PIGS: variants seen among roughly 807,000 people sequenced by gnomAD.
The protein encoded by PIGS is GPI-anchor transamidase component PIGS.
Under a neutral mutation model 58.2 loss-of-function variants are expected in PIGS, and 37 were observed. The ratio of observed to expected loss-of-function variants is 0.64; its 90% CI spans 0.49 to 0.84. The LOEUF is 0.84. Among genes scored for constraint, PIGS ranks in the 40% least tolerant of loss-of-function variants. The probability of loss-of-function intolerance (pLI) is 0.00; values close to 1 mark genes in which losing one functional copy is unlikely to be tolerated. For synonymous variants in PIGS, 269 were observed against 289.2 expected, an observed-to-expected ratio of 0.93 and a Z score of 0.71; for missense variants, 629 against 710.8, an observed-to-expected ratio of 0.88 and a Z score of 1.31.
At chr17:28,557,303 C>T (rs1051171301) in intron 8 of PIGS, 1 of 272,876 alleles carries the variant, frequency 3.7e-6, no homozygotes, top group Admixed American at 5.7e-5. Flanking sequence ...AGAAATCTGA[C>T]CTTATGTCAG....
chr17:28,571,239 G>T (rs1404680650), intron 1 of PIGS, 51 bp from the exon 2 acceptor site: 3 of 1,584,200 alleles, frequency 1.9e-6, no homozygotes, highest in South Asian at 1.1e-5. Flanking sequence ...TAGGGTACCG[G>T]CCCCATCCCC....
At position 28,554,217 on chromosome 17, in the gene PIGS, T is replaced by C; in HGVS notation, c.*3A>G. 1.2e-6 allele frequency: 2 copies of C among 1,613,888 alleles called. No individual in the cohort carries two copies. The highest frequency in any genetic ancestry group is 1.7e-6 in the Non-Finnish European group (2 of 1,179,962). On this transcript the variant is annotated 3_prime_UTR_variant, in exon 12 of 12. Transcript: ENST00000308360. ...AAGGCTTCCTATGGAGGTGCTGCCC[T>C]GCTCAGTCTGTCTTCTCAGGCTTTC...
chr17:28,556,451 C>A, intron 9 of PIGS, 185 bp from the exon 10 acceptor site: 1 of 706,132 alleles, frequency 1.4e-6, no homozygotes, highest in Non-Finnish European at 2.6e-6. Flanking sequence ...CAATTACCCC[C>A]TTGAAAGTCC....
chr17:28,566,280 T>G (rs572374173), intron 3 of PIGS, among the ~76,000 whole-genome samples: 14 of 148,558 alleles, frequency 9.4e-5, no homozygotes, highest in Non-Finnish European at 1.5e-4. Context: ...TCTTTTTTTT[T>G]TTTTTTTTGT....
rs992219555 is a variant in PIGS, at chr17:28,553,988, T to C, written c.*232A>G. 7 of 567,004 alleles carry C rather than the reference T, an allele frequency of 1.2e-5. No individual in the cohort carries two copies. The highest frequency in any genetic ancestry group is 3.1e-5 in the Admixed American group (1 of 31,822). The allele number at this position is 567,004 out of a possible 1,614,324, so 35.1% of individuals were successfully genotyped here. A position where few individuals can be genotyped will look rare whatever the true frequency, so the allele number is the denominator to read the frequency against. ...ATCAAACAAGATAAGGAGACCCGGATGATGTGCCTTTTGAGGCCCCTGGTG... is the reference window on the plus strand; with the variant it reads ...ATCAAACAAGATAAGGAGACCCGGACGATGTGCCTTTTGAGGCCCCTGGTG... On this transcript the variant is annotated 3_prime_UTR_variant, in exon 12 of 12. Transcript: ENST00000308360.
At chr17:28,555,893 C>T (rs186844968) in intron 10 of PIGS, 187 of 310,830 alleles carry the variant, frequency 6.0e-4, no homozygotes, top group African/African-American at 2.3e-3. Context: ...TGCTTGAACC[C>T]GGGAGGTGGA....
intron 3 of PIGS, 102 bp from the exon 4 acceptor site, chr17:28,564,009 C>T: frequency 2.0e-6 from 2 of 995,140 alleles, no homozygotes; most frequent in Non-Finnish European, 3.1e-6. Flanking sequence ...AGCAAGATGG[C>T]TGTTTACAGA....
Position 28,571,448 on chromosome 17 carries a change from C to A in PIGS, c.34+15G>T, listed in dbSNP as rs1383782338. On this transcript the variant is annotated intron_variant, in intron 1 of 11. Coordinates refer to ENST00000308360, the MANE Select transcript of PIGS (RefSeq NM_033198.4). ...ATCAGCTAGCTGCAGGCCCCCCACC[C>A]GAAGCCCACCGCACCTAGGTGTGTA... is the stretch of plus-strand genomic sequence containing the variant. 5 of 1,609,866 alleles carry A rather than the reference C, an allele frequency of 3.1e-6. No individual in the cohort carries two copies. The highest frequency in any genetic ancestry group is 2.5e-6 in the Non-Finnish European group (3 of 1,178,384).
intron 8 of PIGS, 184 bp from the exon 9 acceptor site, chr17:28,557,156 T>C (rs896786374): frequency 7.9e-6 from 5 of 632,688 alleles, no homozygotes; most frequent in African/African-American, 7.5e-5. Flanking sequence ...AGATGTGCCA[T>C]ACCGATGGAA....
At chr17:28,561,974 G>A (rs2151513174) in intron 5 of PIGS, among the ~76,000 whole-genome samples, 1 of 152,252 alleles carries the variant, frequency 6.6e-6, no homozygotes. Flanking sequence ...ATGGCACATG[G>A]CAAAGAAACA....
chr17:28,563,409 C>T lies in PIGS; in HGVS notation c.468+22G>A, dbSNP rs374397026. The T allele has an allele frequency of 5.6e-5, 89 of 1,598,454 alleles. No individual in the cohort carries two copies. In the South Asian group the frequency reaches 7.1e-4, roughly 13 times the overall value. On this transcript the variant is annotated intron_variant, in intron 5 of 11. Coordinates refer to ENST00000308360, the MANE Select transcript of PIGS (RefSeq NM_033198.4). ...ACGAGCTGAAGGGATAAGGCAAAGT[C>T]GCAGCCTCTCTGTTACCTTACCTGG...
intron 10 of PIGS, 139 bp from the exon 11 acceptor site, chr17:28,555,200 A>G (rs771115964): frequency 2.0e-5 from 17 of 843,486 alleles, no homozygotes; most frequent in Non-Finnish European, 3.1e-5. Flanking sequence ...GAAGTACCTC[A>G]GGGTCTTGGG....
Position 28,561,534 on chromosome 17 carries a change from C to G in PIGS, c.564G>C (p.Gln188His). ...AFNIIGRRIV[Q>H]VAQAMSLTED... ...CAGTCAAAGACATGGCCTGGGCCAC[C>G]TGGACTATGCGGCGGCCAATGATGT... Residue 188 changes from glutamine (Q) to histidine (H), a missense_variant, in exon 6 of 12, where the codon CAG becomes CAC. By Grantham distance (24) the Gln-to-His change is conservative. Transcript: ENST00000308360. 6.2e-7 allele frequency: 1 copy of G among 1,614,094 alleles called. No individual in the cohort carries two copies. Among genetic ancestry groups the G allele is most frequent in the Non-Finnish European group, 8.5e-7 (1 of 1,179,984 alleles).
At chr17:28,560,729 G>T (rs968508257) in intron 6 of PIGS, among the ~76,000 whole-genome samples, 1 of 152,070 alleles carries the variant, frequency 6.6e-6, no homozygotes, top group African/African-American at 2.4e-5. Flanking sequence ...AGTGAGACAA[G>T]ATCACGTCAC....
chr17:28,556,820 C>T lies in PIGS; in HGVS notation c.1080+7G>A. The T allele has an allele frequency of 1.2e-6, 2 of 1,613,272 alleles. No individual in the cohort carries two copies. Among genetic ancestry groups the T allele is most frequent in the African/African-American group, 2.7e-5 (2 of 75,012 alleles). The stretch of plus-strand genomic sequence containing the variant: ...GGGCTCTGGGGTCTGCGTAGTGTGA[C>T]TATTACCATAATGCCACCCCAGCGG... On this transcript the variant is annotated splice_region_variant and intron_variant, in intron 9 of 11. Transcript: ENST00000308360.
In PIGS at chr17:28,554,166, AACACCGCCC is replaced by A; in HGVS notation, c.*45_*53del. On this transcript the variant is annotated 3_prime_UTR_variant, in exon 12 of 12. Coordinates refer to ENST00000308360, the MANE Select transcript of PIGS (RefSeq NM_033198.4). ...GCCCCATGTACGTGCCTCACAATCT[AACACCGCCC>A]ACCTTGGCCAGAAAGGAAGGCTTCC... 1 of 1,595,554 alleles carries A rather than the reference AACACCGCCC, an allele frequency of 6.3e-7. No individual in the cohort carries two copies.
intron 10 of PIGS, 138 bp from the exon 11 acceptor site, chr17:28,555,199 C>G (rs995904276): frequency 2.3e-6 from 2 of 855,104 alleles, no homozygotes; most frequent in Non-Finnish European, 3.6e-6. Context: ...GGAAGTACCT[C>G]AGGGTCTTGG....
In PIGS at chr17:28,563,732, A is replaced by G; in HGVS notation, c.376+86T>C. ...CATTCCAAGAGAGGTTTTGGAAGTA[A>G]GCCAAAGCATGGGAACTATGCACTT... is the stretch of plus-strand genomic sequence containing the variant. On this transcript the variant is annotated intron_variant, in intron 4 of 11. Coordinates refer to ENST00000308360, the MANE Select transcript of PIGS (RefSeq NM_033198.4). The G allele has an allele frequency of 3.1e-5, 44 of 1,425,334 alleles. No homozygotes were observed. In the South Asian group the frequency reaches 4.9e-4, roughly 16 times the overall value. 88.3% of individuals were successfully genotyped at this position (1,425,334 alleles called of 1,614,324 possible).
At chr17:28,556,762 A>C in intron 9 of PIGS, 65 bp downstream of exon 9, 2 of 1,555,410 alleles carry the variant, frequency 1.3e-6, no homozygotes, top group Non-Finnish European at 1.7e-6. Context: ...GAAGGAACAC[A>C]GTTTCAGGGA....
Sources: allele counts gnomAD v4.1 joint callset (sites outside exome capture counted in the v4.1 genomes callset), GRCh38; gene constraint gnomAD v4.1.1; transcripts MANE v1.5; gene names NCBI Gene and HGNC (gene_info 2026-07-23, HGNC 2026-07-21).